RBM38: variants seen among roughly 807,000 people sequenced by gnomAD.
The protein encoded by RBM38 is RNA-binding protein 38.
Under a neutral mutation model 23.5 loss-of-function variants are expected in RBM38, and 11 were observed. That is an observed-to-expected ratio of 0.47 (90% confidence interval 0.29 to 0.77). The LOEUF is 0.77. RBM38 is among the 30% of genes least tolerant of loss of function. The pLI is 0.08. For synonymous variants in RBM38, 165 were observed against 166.1 expected (o/e 0.99, Z 0.05); for missense variants, 330 against 351.9 (o/e 0.94, Z 0.50).
intron 2 of RBM38, 81 bp downstream of exon 2, chr20:57,392,858 C>T (rs758849112): frequency 8.4e-5 from 130 of 1,541,432 alleles, no homozygotes; most frequent in African/African-American, 4.1e-4. Flanking sequence ...AAGAGGCCCC[C>T]CCTCCTCGCC....
chr20:57,401,494 G>T (rs931983130), intron 3 of RBM38, among the ~76,000 whole-genome samples: 5 of 152,202 alleles, frequency 3.3e-5, no homozygotes, highest in Non-Finnish European at 7.3e-5. Context: ...CCACGGGGGG[G>T]CTCTTTTGCC....
chr20:57,394,186 C>T (rs752302786), intron 3 of RBM38, among the ~76,000 whole-genome samples: 2 of 152,188 alleles, frequency 1.3e-5, no homozygotes, highest in Non-Finnish European at 2.9e-5. Flanking sequence ...ATCCCTAATG[C>T]CAGTTGATCA....
rs1338309533 is a variant in RBM38, at chr20:57,391,599, G to A, written c.18G>A (p.Ala6=). The change falls in exon 1 of 4, where the codon GCG becomes GCA. Residue 6 remains alanine (A), a synonymous_variant. Transcript: ENST00000356208. MLLQP[A]PCAPSAGFPR... ...CGCCCCCCATGCTGCTGCAGCCCGC[G>A]CCGTGCGCCCCGAGCGCGGGCTTCC... 7 of 1,371,408 alleles carry A rather than the reference G, an allele frequency of 5.1e-6. No individual in the cohort carries two copies. The highest frequency in any genetic ancestry group is 5.7e-6 in the Non-Finnish European group (6 of 1,050,266). 85.0% of individuals were successfully genotyped at this position (1,371,408 alleles called of 1,614,324 possible).
Position 57,407,693 on chromosome 20 carries a change from G to C in RBM38, c.567G>C (p.Gln189His). The C allele has an allele frequency of 3.1e-6, 5 of 1,612,814 alleles. No homozygotes were observed. The highest frequency in any genetic ancestry group is 4.2e-6 in the Non-Finnish European group (5 of 1,179,780). The part of the protein sequence containing the change: ...YAQYPPATYD[Q>H]YPYAASPATA... Reference sequence around the variant, plus strand: ...AGTACCCACCGGCCACCTATGACCAGTACCCATACGCCGCCTCGCCTGCCA... The same window carrying C: ...AGTACCCACCGGCCACCTATGACCACTACCCATACGCCGCCTCGCCTGCCA... The change falls in exon 4 of 4, where the codon CAG becomes CAC. Residue 189 changes from glutamine to histidine, a missense_variant. Coordinates refer to ENST00000356208, the MANE Select transcript of RBM38 (RefSeq NM_017495.6). The surrounding 1 kb of genome is among the most constrained non-coding windows in gnomAD (Gnocchi z 4.0).
chr20:57,404,185 C>T (rs553338413), intron 3 of RBM38, among the ~76,000 whole-genome samples: 1 of 152,300 alleles, frequency 6.6e-6, no homozygotes, highest in African/African-American at 2.4e-5. Flanking sequence ...TGAGTGTGGC[C>T]GGAACCCAGC....
intron 2 of RBM38, 82 bp downstream of exon 2, chr20:57,392,859 C>G (rs76198019): frequency 0.024 from 37,670 of 1,541,414 alleles, 593 homozygotes; most frequent in Non-Finnish European, 0.028. Context: ...AGAGGCCCCC[C>G]CTCCTCGCCC....
rs950455800 is a variant in RBM38, at chr20:57,407,440, G to A, written c.417-103G>A. 8.3e-5 allele frequency: 111 copies of A among 1,334,406 alleles called. No homozygotes were observed. Among genetic ancestry groups the A allele is most frequent in the South Asian group, 5.2e-4 (37 of 71,574 alleles). 82.7% of individuals were successfully genotyped at this position (1,334,406 alleles called of 1,614,324 possible). On this transcript the variant is annotated intron_variant, in intron 3 of 3. Transcript: ENST00000356208. The surrounding 1 kb of genome is among the most constrained non-coding windows in gnomAD (Gnocchi z 4.0). ...GCCCATCTGACCGATGAGGAAAGTC[G>A]GGGCTCGGGGTGGGGGGCGGCACGC... is the stretch of plus-strand genomic sequence containing the variant.
intron 1 of RBM38, 102 bp from the exon 2 acceptor site, chr20:57,392,552 G>A: frequency 5.3e-6 from 8 of 1,513,724 alleles, no homozygotes; most frequent in South Asian, 1.3e-5. Flanking sequence ...TCAGAGGAAG[G>A]GAAGAGAGGG....
chr20:57,405,349 CCAGGCCT>C (rs2067371573), intron 3 of RBM38, among the ~76,000 whole-genome samples: 1 of 152,224 alleles, frequency 6.6e-6, no homozygotes, highest in African/African-American at 2.4e-5. Flanking sequence ...GAATTCAAAC[CCAGGCCT>C]GGCTCCGCGC....
At chr20:57,403,511 A>G (rs1250148360) in intron 3 of RBM38, among the ~76,000 whole-genome samples, 1 of 152,204 alleles carries the variant, frequency 6.6e-6, no homozygotes, top group Non-Finnish European at 1.5e-5. Context: ...CACAGCTACC[A>G]GCAGCAGGCC....
intron 3 of RBM38, among the ~76,000 whole-genome samples, chr20:57,400,426 A>G (rs2067315694): frequency 6.6e-6 from 1 of 152,110 alleles, no homozygotes; most frequent in Non-Finnish European, 1.5e-5. Context: ...CTCCTCCTGC[A>G]TGCCCAACCC....
In RBM38 at chr20:57,409,181, C is replaced by G. The variant is rs953789439; in HGVS notation, c.*1335C>G. ...CGGGGGGCAGCGGGGGGTCTCCCTCCGGACCTACCTCAGGGAGCTGAGCGT... is the reference window on the plus strand; with the variant it reads ...CGGGGGGCAGCGGGGGGTCTCCCTCGGGACCTACCTCAGGGAGCTGAGCGT... On this transcript the variant is annotated 3_prime_UTR_variant, in exon 4 of 4. Coordinates refer to ENST00000356208, the MANE Select transcript of RBM38 (RefSeq NM_017495.6). 6.5e-6 allele frequency: 1 copy of G among 152,752 alleles called. No individual in the cohort carries two copies. The highest frequency in any genetic ancestry group is 1.5e-5 in the Non-Finnish European group (1 of 68,196). The allele number at this position is 152,752 out of a possible 1,614,324, so 9.5% of individuals were successfully genotyped here. A position where few individuals can be genotyped will look rare whatever the true frequency, so the allele number is the denominator to read the frequency against.
intron 3 of RBM38, among the ~76,000 whole-genome samples, chr20:57,406,945 G>T (rs2067390917): frequency 6.7e-6 from 1 of 148,660 alleles, no homozygotes; most frequent in Non-Finnish European, 1.5e-5. Context: ...AGTGAGCGGA[G>T]ATCCCGCCAC....
At chr20:57,395,417 G>C (rs182097366) in intron 3 of RBM38, among the ~76,000 whole-genome samples, 85 of 152,272 alleles carry the variant, frequency 5.6e-4, no homozygotes, top group East Asian at 5.8e-4. Context: ...AGTTGGGATC[G>C]GTCACAGAGT....
chr20:57,402,683 C>T (rs1231370025), intron 3 of RBM38, among the ~76,000 whole-genome samples: 1 of 152,242 alleles, frequency 6.6e-6, no homozygotes, highest in Non-Finnish European at 1.5e-5. Context: ...TGCACCCGCT[C>T]CCCATTGCCA....
At chr20:57,392,957 G>A (rs1273861248) in intron 2 of RBM38, 180 bp downstream of exon 2, 2 of 867,632 alleles carry the variant, frequency 2.3e-6, no homozygotes, top group Non-Finnish European at 3.5e-6. Flanking sequence ...TTCTCACAGC[G>A]TGTGGCCCAA....
chr20:57,392,070 T>C (rs1332141809), intron 1 of RBM38, among the ~76,000 whole-genome samples: 5 of 112,306 alleles, frequency 4.5e-5, no homozygotes, highest in African/African-American at 1.2e-4. Context: ...AGAGCCGCTG[T>C]GTTCAATTAG....
chr20:57,400,121 G>T (rs947437769), intron 3 of RBM38, among the ~76,000 whole-genome samples: 1 of 152,194 alleles, frequency 6.6e-6, no homozygotes, highest in African/African-American at 2.4e-5. Flanking sequence ...GGACTCTGCA[G>T]CATCCTTAGT....
rs2067404572 is a variant in RBM38 at position 57,407,873 on chromosome 20, G to T, written c.*27G>T. 1.3e-6 allele frequency: 2 copies of T among 1,527,908 alleles called. No homozygotes were observed. Among genetic ancestry groups the T allele is most frequent in the Admixed American group, 2.0e-5 (1 of 50,852 alleles). The allele number at this position is 1,527,908 out of a possible 1,614,324, so 94.6% of individuals were successfully genotyped here. On this transcript the variant is annotated 3_prime_UTR_variant, in exon 4 of 4. Transcript: ENST00000356208. This position sits in a 1 kb window ranked among gnomAD's most constrained non-coding sequence, Gnocchi z 4.0. ...GGGCGTTCCTGCCCCGAGGACTGTG[G>T]CATTGTCACCTTCACAGCAGACAGA...
Sources: allele counts gnomAD v4.1 joint callset (sites outside exome capture counted in the v4.1 genomes callset), GRCh38; gene constraint gnomAD v4.1.1; non-coding constraint Gnocchi (gnomAD v3.1); transcripts MANE v1.5; gene names NCBI Gene and HGNC (gene_info 2026-07-23, HGNC 2026-07-21).